The following EPHA6 variants were observed in gnomAD, a reference collection of about 807,000 sequenced individuals.
EPHA6 encodes the protein EPH receptor A6, also known as ephrin type-A receptor 6.
A neutral mutation model predicts 112.0 loss-of-function variants in EPHA6; 50 were observed. The observed-to-expected ratio is 0.45, with a 90% CI of 0.36 to 0.56. The LOEUF (loss-of-function observed/expected upper bound fraction) is 0.56, where lower values mean the gene tolerates loss of function less well. Among genes scored for constraint, EPHA6 ranks in the 20% least tolerant of loss-of-function variants. EPHA6 has a pLI of 0.00. For synonymous variants in EPHA6, 529 were observed against 490.7 expected, an observed-to-expected ratio of 1.08 and a Z score of -1.03; for missense variants, 1,280 against 1,417.4, an observed-to-expected ratio of 0.90 and a Z score of 1.56.
At chr3:97,173,891 C>T (rs569938607) in intron 3 of EPHA6, among the ~76,000 whole-genome samples, 4 of 151,688 alleles carry the variant, frequency 2.6e-5, no homozygotes, top group African/African-American at 9.7e-5. Context: ...ACAAACATTC[C>T]AGTTACATTA....
chr3:96,975,542 G>A (rs1450482107), intron 2 of EPHA6, among the ~76,000 whole-genome samples: 1 of 152,150 alleles, frequency 6.6e-6, no homozygotes, highest in South Asian at 2.1e-4. Flanking sequence ...GACCAAATGA[G>A]TTAACATTTG....
Position 97,475,478 on chromosome 3 carries a change from T to C in EPHA6, c.2003+18T>C, listed in dbSNP as rs1285025289. ...ACTGGGAGGTAACTGAAACATACCATACTATTTCCGAGATTTATGAATAAC... is the reference window on the plus strand; with the variant it reads ...ACTGGGAGGTAACTGAAACATACCACACTATTTCCGAGATTTATGAATAAC... On this transcript the variant is annotated intron_variant, in intron 8 of 17. Coordinates refer to ENST00000389672, the MANE Select transcript of EPHA6 (RefSeq NM_001080448.3). 2 of 1,528,762 alleles carry C rather than the reference T, an allele frequency of 1.3e-6. No individual in the cohort carries two copies. Among genetic ancestry groups the C allele is most frequent in the South Asian group, 1.1e-5 (1 of 87,330 alleles). The allele number at this position is 1,528,762 out of a possible 1,614,324, so 94.7% of individuals were successfully genotyped here. A position where few individuals can be genotyped will look rare whatever the true frequency, so the allele number is the denominator to read the frequency against.
intron 2 of EPHA6, among the ~76,000 whole-genome samples, chr3:96,926,839 G>T (rs922616193): frequency 6.6e-6 from 1 of 152,088 alleles, no homozygotes; most frequent in Admixed American, 6.5e-5. Context: ...AGCTTTTCTG[G>T]GTGCACTGTG....
In EPHA6 at chr3:97,363,117, A is replaced by G. The variant is rs545546400; in HGVS notation, c.1607-42033A>G. On this transcript the variant is annotated intron_variant, in intron 5 of 17. Coordinates refer to ENST00000389672, the MANE Select transcript of EPHA6 (RefSeq NM_001080448.3). ...ACAACAGTTCTTAAACACCACATGT[A>G]AGAGATTTTAATAGAAAACATCAAA... 2.8e-5 allele frequency among the ~76,000 whole-genome samples: 4 copies of G among 141,144 alleles called. No individual in the cohort carries two copies. The East Asian group carries it at 6.6e-4, about 23-fold the overall frequency. 92.6% of individuals were successfully genotyped at this position (141,144 alleles called of 152,430 possible).
At chr3:97,356,071 C>T (rs1244089608) in intron 5 of EPHA6, among the ~76,000 whole-genome samples, 1 of 152,160 alleles carries the variant, frequency 6.6e-6, no homozygotes, top group Non-Finnish European at 1.5e-5. Flanking sequence ...CAGCTGCTCC[C>T]CATCACTAGC....
At chr3:97,126,530 A>G (rs1212495604) in intron 3 of EPHA6, among the ~76,000 whole-genome samples, 4 of 152,194 alleles carry the variant, frequency 2.6e-5, no homozygotes, top group Admixed American at 1.3e-4. Flanking sequence ...ATGAAGAAGC[A>G]TAGTAAGAAA....
At chr3:96,905,477 AATC>A in intron 2 of EPHA6, among the ~76,000 whole-genome samples, 1 of 149,932 alleles carries the variant, frequency 6.7e-6, no homozygotes, top group Non-Finnish European at 1.5e-5. Context: ...GATTTTAAAA[AATC>A]ATGTGAAATA....
intron 3 of EPHA6, among the ~76,000 whole-genome samples, chr3:97,104,038 A>G (rs559148866): frequency 7.2e-5 from 11 of 152,104 alleles, no homozygotes; most frequent in African/African-American, 2.4e-4. Context: ...AGCTGAAGGA[A>G]CTTTGGGGCC....
chr3:96,869,023 C>T (rs531417053), intron 2 of EPHA6, among the ~76,000 whole-genome samples: 1 of 151,890 alleles, frequency 6.6e-6, no homozygotes, highest in African/African-American at 2.4e-5. Context: ...GAACAAATAA[C>T]GTTTTAGGCT....
intron 6 of EPHA6, among the ~76,000 whole-genome samples, chr3:97,412,830 T>G (rs2087824198): frequency 6.6e-6 from 1 of 151,962 alleles, no homozygotes; most frequent in African/African-American, 2.4e-5. Flanking sequence ...TTAAAGAAAC[T>G]GTACTGTTTG....
chr3:96,923,744 A>C (rs112931190), intron 2 of EPHA6, among the ~76,000 whole-genome samples: 1,584 of 152,104 alleles, frequency 0.01, 26 homozygotes, highest in African/African-American at 0.036. Context: ...TTTCTTCTAG[A>C]GATTTTATAG....
rs1577226503 is a variant in EPHA6 at position 97,395,272 on chromosome 3, A to G, written c.1607-9878A>G. Among the ~76,000 whole-genome samples the G allele has an allele frequency of 7.9e-5, 12 of 151,968 alleles. 1 individual carries two copies. The South Asian group carries it at 2.5e-3, about 31-fold the overall frequency. On this transcript the variant is annotated intron_variant, in intron 5 of 17. Coordinates refer to ENST00000389672, the MANE Select transcript of EPHA6 (RefSeq NM_001080448.3). ...TATATATTACCAATAAACTCTGATT[A>G]CAAGAAAAAAACATAAAAACAAAAG...
chr3:97,182,733 C>CA (rs1361618393), intron 3 of EPHA6, among the ~76,000 whole-genome samples: 1 of 152,036 alleles, frequency 6.6e-6, no homozygotes, highest in East Asian at 1.9e-4. Context: ...ATGATGTTTT[C>CA]TTCATTGATA....
intron 2 of EPHA6, among the ~76,000 whole-genome samples, chr3:96,899,939 GA>G (rs1429003566): frequency 2.0e-5 from 3 of 152,102 alleles, no homozygotes; most frequent in East Asian, 3.9e-4. Flanking sequence ...GTGAAGTGAT[GA>G]AAACATGTAA....
intron 1 of EPHA6, among the ~76,000 whole-genome samples, chr3:96,837,486 G>T (rs940512304): frequency 6.6e-6 from 1 of 152,092 alleles, no homozygotes; most frequent in Non-Finnish European, 1.5e-5. Context: ...AACGAATTTT[G>T]TATGTCTATG....
At chr3:97,560,770 T>C (rs904968736) in intron 11 of EPHA6, among the ~76,000 whole-genome samples, 1 of 152,056 alleles carries the variant, frequency 6.6e-6, no homozygotes, top group Non-Finnish European at 1.5e-5. Flanking sequence ...TACTCATTTT[T>C]ATTGCATGCT....
At chr3:96,835,271 G>A (rs2034337437) in intron 1 of EPHA6, among the ~76,000 whole-genome samples, 1 of 152,108 alleles carries the variant, frequency 6.6e-6, no homozygotes. Context: ...ACAGTTGAAT[G>A]TGTAGAGAAA....
chr3:97,141,633 A>C (rs950796665), intron 3 of EPHA6, among the ~76,000 whole-genome samples: 1 of 152,000 alleles, frequency 6.6e-6, no homozygotes, highest in African/African-American at 2.4e-5. Context: ...AACTTGAAGG[A>C]AAATAGAGAT....
chr3:97,243,288 C>T (rs1055854770), intron 4 of EPHA6, among the ~76,000 whole-genome samples: 1 of 151,856 alleles, frequency 6.6e-6, no homozygotes, highest in Non-Finnish European at 1.5e-5. Context: ...GCCATCATTT[C>T]TTGTCAGTGG....
Sources: gnomAD v4.1 joint callset for allele counts (sites outside exome capture counted in the v4.1 genomes callset) on GRCh38, gnomAD v4.1.1 for gene constraint, MANE v1.5 for transcripts, NCBI Gene and HGNC (gene_info 2026-07-23, HGNC 2026-07-21) for gene names.